Variants in SEPTIN7 observed in about 807,000 individuals in gnomAD.
SEPTIN7 encodes septin-7.
In SEPTIN7, 10 loss-of-function variants were observed where a neutral mutation model predicts 63.3. That is an observed-to-expected ratio of 0.16 (90% CI 0.10 to 0.27). The LOEUF is 0.27. SEPTIN7 is among the 10% of genes least tolerant of loss of function. The pLI is 1.00. For synonymous variants in SEPTIN7, 131 were observed against 165.3 expected, an observed-to-expected ratio of 0.79 and a Z score of 1.59; for missense variants, 310 against 521.0, an observed-to-expected ratio of 0.59 and a Z score of 3.94.
At position 35,801,171 on chromosome 7, in the gene SEPTIN7, C is replaced by T. The variant is rs1244360491; in HGVS notation, c.-39C>T. 4 of 1,458,712 alleles carry T rather than the reference C, an allele frequency of 2.7e-6. No individual in the cohort carries two copies. Among genetic ancestry groups the T allele is most frequent in the South Asian group, 2.7e-5 (2 of 75,192 alleles). The allele number at this position is 1,458,712 out of a possible 1,614,324, so 90.4% of individuals were successfully genotyped here. ...TAGGCGCCTTTGGAGAATCGGCGGG[C>T]TGCGCTCCGCTGGGGCTGGTCGCGG... is the stretch of plus-strand genomic sequence containing the variant. On this transcript the variant is annotated 5_prime_UTR_variant, in exon 1 of 14. Coordinates refer to ENST00000350320, the MANE Select transcript of SEPTIN7 (RefSeq NM_001788.6).
chr7:35,896,474 A>G (rs1416799058), intron 11 of SEPTIN7, among the ~76,000 whole-genome samples: 1 of 152,178 alleles, frequency 6.6e-6, no homozygotes, highest in Non-Finnish European at 1.5e-5. Context: ...CTTTCACCGG[A>G]AGAATCCTGG....
At chr7:35,873,904 C>CTATCA in intron 6 of SEPTIN7, 129 bp downstream of exon 6, 1 of 842,238 alleles carries the variant, frequency 1.2e-6, no homozygotes. Flanking sequence ...TACTAAATTT[C>CTATCA]ATGTAGAAAT....
chr7:35,803,055 A>G, intron 1 of SEPTIN7: 1 of 528,038 alleles, frequency 1.9e-6, no homozygotes, highest in Non-Finnish European at 2.4e-6. Flanking sequence ...TACAGAATTC[A>G]AATTCACAAC....
chr7:35,887,909 A>G (rs894845305), intron 10 of SEPTIN7, among the ~76,000 whole-genome samples: 2 of 152,240 alleles, frequency 1.3e-5, no homozygotes, highest in African/African-American at 4.8e-5. Context: ...CAATACCAAT[A>G]TTACAGATGT....
intron 3 of SEPTIN7, among the ~76,000 whole-genome samples, chr7:35,860,975 T>A (rs1033465282): frequency 6.6e-6 from 1 of 152,180 alleles, no homozygotes; most frequent in Admixed American, 6.5e-5. Flanking sequence ...AATTGATTTA[T>A]TTCATAATCT....
intron 3 of SEPTIN7, 117 bp from the exon 4 acceptor site, chr7:35,863,435 T>G: frequency 1.7e-6 from 1 of 601,002 alleles, no homozygotes; most frequent in South Asian, 2.1e-5. Flanking sequence ...CTAATGTCAT[T>G]TCATTGTCTC....
chr7:35,912,470 G>T, the SEPTIN7 span, among the ~76,000 whole-genome samples: 1 of 152,234 alleles, frequency 6.6e-6, no homozygotes, highest in African/African-American at 2.4e-5. Flanking sequence ...CTGGCTTGCT[G>T]TTAATAAATA....
chr7:35,873,116 A>G lies in SEPTIN7; in HGVS notation c.377+350A>G, dbSNP rs137882808. Among the ~76,000 whole-genome samples, 1,284 of 152,256 alleles carry G rather than the reference A, an allele frequency of 8.4e-3. 15 individuals carry two copies. The highest frequency in any genetic ancestry group is 0.03 in the African/African-American group (1,252 of 41,570). On this transcript the variant is annotated intron_variant, in intron 5 of 13. Transcript: ENST00000350320. ...ATAAATTCTATCTCAATCCTAATTT[A>G]AACCTGATATTTAGACTTTCAGTTT... is the stretch of plus-strand genomic sequence containing the variant.
intron 1 of SEPTIN7, chr7:35,812,057 G>A: frequency 4.0e-6 from 1 of 251,342 alleles, no homozygotes; most frequent in Admixed American, 4.6e-5. Flanking sequence ...AACCTAGGAG[G>A]CAGAGGTTGC....
chr7:35,885,783 G>A (rs760789318), intron 9 of SEPTIN7, 45 bp from the exon 10 acceptor site: 2 of 1,450,332 alleles, frequency 1.4e-6, no homozygotes, highest in Non-Finnish European at 1.9e-6. Context: ...GAAAAGACTA[G>A]GTTTAGTGGA....
chr7:35,914,103 T>A, the SEPTIN7 span, among the ~76,000 whole-genome samples: 50,086 of 152,090 alleles, frequency 0.33, 8,510 homozygotes, highest in East Asian at 0.48. Flanking sequence ...AGCATAACAT[T>A]GAGAAAGAAT....
rs555143391 is a variant in SEPTIN7 at position 35,885,064 on chromosome 7, G to A, written c.821-764G>A. Among the ~76,000 whole-genome samples, 34 of 151,922 alleles carry A rather than the reference G, an allele frequency of 2.2e-4. No homozygotes were observed. The East Asian group carries it at 5.6e-3, about 25-fold the overall frequency. On this transcript the variant is annotated intron_variant, in intron 9 of 13. Coordinates refer to ENST00000350320, the MANE Select transcript of SEPTIN7 (RefSeq NM_001788.6). ...AAGGTCTTGCTATGTTGCCCAACTG[G>A]CCTCAGAATCCTGAGCTCAAAGTGA... is the stretch of plus-strand genomic sequence containing the variant.
chr7:35,834,609 G>A (rs1583530396), intron 3 of SEPTIN7, among the ~76,000 whole-genome samples: 1 of 152,004 alleles, frequency 6.6e-6, no homozygotes, highest in African/African-American at 2.4e-5. Context: ...TTCCCACTGA[G>A]CCTTGAACAT....
rs1583650048 is a variant in SEPTIN7, at chr7:35,898,193, G to C, written c.999-55G>C. On this transcript the variant is annotated intron_variant, in intron 11 of 13. Coordinates refer to ENST00000350320, the MANE Select transcript of SEPTIN7 (RefSeq NM_001788.6). Reference sequence around the variant, plus strand: ...TTTTCATCAGCTGTTTCATAGTTCTGTATTATAATTTTTATTCACAGACAT... The same window carrying C: ...TTTTCATCAGCTGTTTCATAGTTCTCTATTATAATTTTTATTCACAGACAT... 4.3e-6 allele frequency: 6 copies of C among 1,389,232 alleles called. No homozygotes were observed. The East Asian group carries it at 1.0e-4, about 23-fold the overall frequency. The allele number at this position is 1,389,232 out of a possible 1,614,324, so 86.1% of individuals were successfully genotyped here.
rs761498377 is a variant in SEPTIN7 at position 35,801,204 on chromosome 7, G to T, written c.-6G>T. Reference sequence around the variant, plus strand: ...CGCTGGGGCTGGTCGCGGAGGGGGGGAGGGGATGTCGGTCAGTGCGAGATC... The same window carrying T: ...CGCTGGGGCTGGTCGCGGAGGGGGGTAGGGGATGTCGGTCAGTGCGAGATC... On this transcript the variant is annotated 5_prime_UTR_variant, in exon 1 of 14. Coordinates refer to ENST00000350320, the MANE Select transcript of SEPTIN7 (RefSeq NM_001788.6). 20 of 1,506,312 alleles carry T rather than the reference G, an allele frequency of 1.3e-5. No individual in the cohort carries two copies. The highest frequency in any genetic ancestry group is 2.1e-4 in the Middle Eastern group (1 of 4,730). The allele number at this position is 1,506,312 out of a possible 1,614,324, so 93.3% of individuals were successfully genotyped here. A position where few individuals can be genotyped will look rare whatever the true frequency, so the allele number is the denominator to read the frequency against.
At chr7:35,828,754 A>G (rs1438723065) in intron 1 of SEPTIN7, among the ~76,000 whole-genome samples, 2 of 151,536 alleles carry the variant, frequency 1.3e-5, no homozygotes, top group Non-Finnish European at 2.9e-5. Flanking sequence ...TGATTCCTAA[A>G]TCTATATTTT....
chr7:35,900,498 T>G lies in SEPTIN7; in HGVS notation c.1134+2115T>G, dbSNP rs372483440. ...GTTCTTAACATGACATTTTGGAGAT[T>G]AATTTATCAGCATGTTGTAAATATA... On this transcript the variant is annotated intron_variant, in intron 12 of 13. Coordinates refer to ENST00000350320, the MANE Select transcript of SEPTIN7 (RefSeq NM_001788.6). 11 of 152,346 alleles carry G rather than the reference T, an allele frequency of 7.2e-5. No individual in the cohort carries two copies. The East Asian group carries it at 2.1e-3, about 29-fold the overall frequency. 9.4% of individuals were successfully genotyped at this position (152,346 alleles called of 1,614,324 possible).
chr7:35,896,011 A>G (rs1211827558), intron 11 of SEPTIN7, among the ~76,000 whole-genome samples: 2 of 152,102 alleles, frequency 1.3e-5, no homozygotes, highest in Admixed American at 1.3e-4. Context: ...GAGTTTCACC[A>G]TGTTGGCCAC....
intron 1 of SEPTIN7, among the ~76,000 whole-genome samples, chr7:35,816,980 C>T (rs974390221): frequency 6.6e-6 from 1 of 150,738 alleles, no homozygotes; most frequent in East Asian, 1.9e-4. Flanking sequence ...ATATAGAAGA[C>T]TTGCAAGTAG....
Sources: gnomAD v4.1 joint callset for allele counts (sites outside exome capture counted in the v4.1 genomes callset) on GRCh38, gnomAD v4.1.1 for gene constraint, MANE v1.5 for transcripts, NCBI Gene and HGNC (gene_info 2026-07-23, HGNC 2026-07-21) for gene names.